DNAH5: variants seen among roughly 807,000 people sequenced by gnomAD.
The protein encoded by DNAH5 is axonemal beta dynein heavy chain 5.
A neutral mutation model predicts 518.2 loss-of-function variants in DNAH5; 372 were observed. The ratio of observed to expected loss-of-function variants is 0.72; its 90% CI spans 0.66 to 0.78. The LOEUF is 0.78. DNAH5 is among the 30% of genes least tolerant of loss of function. The probability of loss-of-function intolerance (pLI) is 0.00; values close to 1 mark genes in which losing one functional copy is unlikely to be tolerated. For missense variants in DNAH5, 5,523 were observed against 5,687.0 expected (o/e 0.97, Z 0.93); for synonymous variants, 2,039 against 2,025.9 (o/e 1.01, Z -0.17).
intron 1 of DNAH5, among the ~76,000 whole-genome samples, chr5:13,987,255 T>C (rs1465028084): frequency 6.6e-6 from 1 of 152,070 alleles, no homozygotes; most frequent in Non-Finnish European, 1.5e-5. Flanking sequence ...AGGCTCTGCT[T>C]TTTAGGGAAC....
chr5:13,849,299 A>C (rs1766486591), intron 31 of DNAH5, among the ~76,000 whole-genome samples: 1 of 152,220 alleles, frequency 6.6e-6, no homozygotes. Flanking sequence ...GTGGATATGA[A>C]AGTAATATTC....
intron 64 of DNAH5, among the ~76,000 whole-genome samples, chr5:13,751,775 G>A (rs1228005290): frequency 6.6e-6 from 1 of 152,096 alleles, no homozygotes; most frequent in African/African-American, 2.4e-5. Flanking sequence ...ATACATAGGT[G>A]TGGACAGGGG....
chr5:13,900,740 A>G, intron 14 of DNAH5: 1 of 360,208 alleles, frequency 2.8e-6, no homozygotes, highest in Non-Finnish European at 5.1e-6. Flanking sequence ...TATTCTTCCT[A>G]ATAAAAGTTT....
intron 21 of DNAH5, among the ~76,000 whole-genome samples, chr5:13,879,077 G>T (rs1296024011): frequency 6.6e-6 from 1 of 152,174 alleles, no homozygotes; most frequent in African/African-American, 2.4e-5. Context: ...TGAAATCTCT[G>T]GTTAGTCGAA....
chr5:13,776,661 C>T lies in DNAH5; in HGVS notation c.9151G>A (p.Asp3051Asn), dbSNP rs1171709721. The T allele has an allele frequency of 5.6e-6, 9 of 1,613,692 alleles. No individual in the cohort carries two copies. The highest frequency in any genetic ancestry group is 1.3e-5 in the African/African-American group (1 of 74,950). The part of the protein sequence containing the change: ...ARDEIDEINS[D>N]LASVMKKEFP... ...TCTTTTTTCATGACTGATGCCAGGTCGCTATTAATTTCATCAATTTCATCT... is the reference window on the plus strand; with the variant it reads ...TCTTTTTTCATGACTGATGCCAGGTTGCTATTAATTTCATCAATTTCATCT... Residue 3051 changes from aspartate (D) to asparagine (N), a missense_variant, in exon 55 of 79, where the codon GAC becomes AAC. Coordinates refer to ENST00000265104, the MANE Select transcript of DNAH5 (RefSeq NM_001369.3).
intron 71 of DNAH5, among the ~76,000 whole-genome samples, chr5:13,720,549 A>AT (rs899381270): frequency 1.4e-4 from 21 of 151,452 alleles, no homozygotes; most frequent in East Asian, 3.9e-4. Flanking sequence ...CGTCCAGTTA[A>AT]TTTTTTTTTG....
chr5:13,805,513 T>A (rs1365386132), intron 47 of DNAH5, among the ~76,000 whole-genome samples: 1 of 151,286 alleles, frequency 6.6e-6, no homozygotes, highest in Non-Finnish European at 1.5e-5. Flanking sequence ...AATAAAAAGA[T>A]CTGAGTCTCG....
intron 18 of DNAH5, 26 bp from the exon 19 acceptor site, chr5:13,885,254 A>G (rs769913660): frequency 1.9e-6 from 3 of 1,613,162 alleles, no homozygotes; most frequent in Non-Finnish European, 2.5e-6. Flanking sequence ...AGAGATAGAG[A>G]TAGAGATAAG....
chr5:13,838,331 G>A (rs777391252), intron 35 of DNAH5, among the ~76,000 whole-genome samples: 18 of 152,126 alleles, frequency 1.2e-4, no homozygotes, highest in Non-Finnish European at 2.5e-4. Context: ...TTAGGAACCG[G>A]GCCACACAGC....
intron 32 of DNAH5, 98 bp downstream of exon 32, chr5:13,844,739 G>T: frequency 1.3e-6 from 2 of 1,502,890 alleles, no homozygotes; most frequent in Non-Finnish European, 1.9e-6. Context: ...GAACAGGGAA[G>T]CAACCCTTGT....
chr5:13,710,367 A>T (rs923953606), intron 75 of DNAH5, among the ~76,000 whole-genome samples: 1 of 152,200 alleles, frequency 6.6e-6, no homozygotes, highest in Non-Finnish European at 1.5e-5. Flanking sequence ...ATGAGAAGGA[A>T]CCAGAAAACC....
intron 50 of DNAH5, 130 bp downstream of exon 50, chr5:13,791,864 G>A: frequency 2.7e-6 from 2 of 735,838 alleles, no homozygotes; most frequent in Admixed American, 2.4e-5. Flanking sequence ...TTTAAAAGCA[G>A]TAAAGAATAC....
intron 59 of DNAH5, 119 bp downstream of exon 59, chr5:13,765,857 C>T: frequency 9.5e-7 from 1 of 1,056,428 alleles, no homozygotes; most frequent in Middle Eastern, 2.0e-4. Context: ...CAAAGTTTTA[C>T]TCTGAAAAAA....
intron 53 of DNAH5, among the ~76,000 whole-genome samples, chr5:13,779,830 C>T (rs777664623): frequency 6.6e-6 from 1 of 152,174 alleles, no homozygotes; most frequent in Non-Finnish European, 1.5e-5. Flanking sequence ...ACTCTCTATT[C>T]TCCATTCTCA....
chr5:13,703,468 C>T (rs1742394388), intron 76 of DNAH5, among the ~76,000 whole-genome samples: 1 of 152,186 alleles, frequency 6.6e-6, no homozygotes, highest in Admixed American at 6.5e-5. Flanking sequence ...ACTCAAAACC[C>T]ATAGACTACC....
In DNAH5 at chr5:13,788,828, C is replaced by G; in HGVS notation, c.8535G>C (p.Lys2845Asn). Reference sequence around the variant, plus strand: ...CCTCCTCTACCAAACTTACTAAAGCCTTATCAAACCAGGTCACATCACTGG... The same window carrying G: ...CCTCCTCTACCAAACTTACTAAAGCGTTATCAAACCAGGTCACATCACTGG... ...TVSSDVTWFD[K>N]ALVSLVEEEF... The change falls in exon 51 of 79, where the codon AAG (lysine) becomes AAC (asparagine). Residue 2845 changes from lysine (K) to asparagine (N), a missense_variant. Physicochemically the swap from Lys to Asn is moderately conservative, Grantham distance 94. Coordinates refer to ENST00000265104, the MANE Select transcript of DNAH5 (RefSeq NM_001369.3). 6.2e-7 allele frequency: 1 copy of G among 1,614,072 alleles called. No individual in the cohort carries two copies.
chr5:13,973,737 AC>A (rs1228830729), intron 1 of DNAH5, among the ~76,000 whole-genome samples: 12,265 of 144,686 alleles, frequency 0.085, 592 homozygotes, highest in African/African-American at 0.14. Context: ...AAAAAAAAAA[AC>A]AAAAAACTTG....
chr5:13,998,749 A>C (rs1218036488), intron 1 of DNAH5, among the ~76,000 whole-genome samples: 1 of 152,018 alleles, frequency 6.6e-6, no homozygotes, highest in African/African-American at 2.4e-5. Context: ...AGTCCAAAAA[A>C]CTCTTGAAAT....
intron 1 of DNAH5, among the ~76,000 whole-genome samples, chr5:13,993,675 G>A (rs549804967): frequency 2.0e-5 from 3 of 152,306 alleles, no homozygotes; most frequent in South Asian, 4.1e-4. Flanking sequence ...AGCTTCACAT[G>A]CATGAGCACA....
Sources: allele counts gnomAD v4.1 joint callset (sites outside exome capture counted in the v4.1 genomes callset), GRCh38; gene constraint gnomAD v4.1.1; transcripts MANE v1.5; gene names NCBI Gene and HGNC (gene_info 2026-07-23, HGNC 2026-07-21).